Variants in CYP2F1 observed in about 807,000 individuals in gnomAD.
CYP2F1 encodes the protein cytochrome P450 family 2 subfamily F member 1.
A neutral mutation model predicts 40.4 loss-of-function variants in CYP2F1; 33 were observed. The observed-to-expected ratio is 0.82, with a 90% CI of 0.62 to 1.09. CYP2F1 has a LOEUF of 1.09. Ranked by LOEUF, CYP2F1 falls within the 50% of genes least tolerant of loss-of-function variation. CYP2F1 has a pLI of 0.00. For synonymous variants in CYP2F1, 235 were observed against 277.2 expected (o/e 0.85, Z 1.51); for missense variants, 566 against 655.7 (o/e 0.86, Z 1.49).
chr19:41,121,946 C>G lies in CYP2F1; in HGVS notation c.646-11C>G, dbSNP rs377128872. 1 of 1,612,526 alleles carries G rather than the reference C, an allele frequency of 6.2e-7. No homozygotes were observed. The highest frequency in any genetic ancestry group is 1.3e-5 in the African/African-American group (1 of 74,870). ...CTCCTCCAAAACCCTCCTACTCTGT[C>G]TGGTCCCCAGTTGTACGACATCTTC... On this transcript the variant is annotated splice_polypyrimidine_tract_variant and intron_variant, in intron 5 of 9. Coordinates refer to ENST00000331105, the MANE Select transcript of CYP2F1 (RefSeq NM_000774.5).
At position 41,116,143 on chromosome 19, in the gene CYP2F1, T is replaced by A. The variant is rs745403762; in HGVS notation, c.-11-35T>A. The A allele has an allele frequency of 9.1e-6, 14 of 1,531,090 alleles. No individual in the cohort carries two copies. The South Asian group carries it at 1.7e-4, about 18-fold the overall frequency. The allele number at this position is 1,531,090 out of a possible 1,614,324, so 94.8% of individuals were successfully genotyped here. Reference sequence around the variant, plus strand: ...GGAGATGGAAAGGAGGGATCAGCGATGTCCTCTCCCACTTTGCCCTCCACA... The same window carrying A: ...GGAGATGGAAAGGAGGGATCAGCGAAGTCCTCTCCCACTTTGCCCTCCACA... On this transcript the variant is annotated intron_variant, in intron 1 of 9. Coordinates refer to ENST00000331105, the MANE Select transcript of CYP2F1 (RefSeq NM_000774.5).
In CYP2F1 at chr19:41,122,420, C is replaced by T. The variant is rs185018994; in HGVS notation, c.822+287C>T. Among the ~76,000 whole-genome samples, 180 of 152,164 alleles carry T rather than the reference C, an allele frequency of 1.2e-3. 1 individual carries two copies. In the South Asian group the frequency reaches 0.015, roughly 13 times the overall value. The stretch of plus-strand genomic sequence containing the variant: ...GCCGAGGCAGGAGGATCGCTTGAGT[C>T]CAGGAGTTCGAGACCAGCCTGGACA... On this transcript the variant is annotated intron_variant, in intron 6 of 9. Transcript: ENST00000331105.
chr19:41,124,057 A>G (rs1386615928), intron 7 of CYP2F1, among the ~76,000 whole-genome samples: 2 of 150,178 alleles, frequency 1.3e-5, no homozygotes, highest in African/African-American at 4.9e-5. Flanking sequence ...CAGTCCACCC[A>G]CTCGACCTAC....
At chr19:41,119,539 G>A (rs1049882037) in intron 3 of CYP2F1, among the ~76,000 whole-genome samples, 1 of 151,686 alleles carries the variant, frequency 6.6e-6, no homozygotes, top group Non-Finnish European at 1.5e-5. Flanking sequence ...ACGAGGTCAG[G>A]AGATCGAGAC....
Position 41,116,492 on chromosome 19 carries a change from TG to T in CYP2F1, c.212del (p.Gly71AspfsTer14), listed in dbSNP as rs2031816367. 1 of 1,613,808 alleles carries T rather than the reference TG, an allele frequency of 6.2e-7. No homozygotes were observed. Among genetic ancestry groups the T allele is most frequent in the Non-Finnish European group, 8.5e-7 (1 of 1,179,936 alleles). ...TATGGCTCCATGTACACAGTGCACCTGGGACCCAGGCGGGTGGTGGTCCTCA... is the reference window on the plus strand; with the variant it reads ...TATGGCTCCATGTACACAGTGCACCTGGACCCAGGCGGGTGGTGGTCCTCA... ...KEYGSMYTVH[L>X]GPRRVVVLSG... On this transcript the variant is annotated frameshift_variant, in exon 3 of 10. Coordinates refer to ENST00000331105, the MANE Select transcript of CYP2F1 (RefSeq NM_000774.5). LOFTEE classifies it high-confidence loss of function.
intron 9 of CYP2F1, among the ~76,000 whole-genome samples, chr19:41,127,305 A>G (rs1416125852): frequency 6.6e-6 from 1 of 152,164 alleles, no homozygotes; most frequent in Non-Finnish European, 1.5e-5. Context: ...TTTACCATTC[A>G]CAGCAGCCTC....
intron 7 of CYP2F1, chr19:41,123,235 T>C (rs2032339476): frequency 1.9e-6 from 1 of 539,156 alleles, no homozygotes; most frequent in Non-Finnish European, 3.6e-6. Context: ...TCTGGCTCTG[T>C]CACCCAGGCT....
In CYP2F1 at chr19:41,116,305, C is replaced by T; in HGVS notation, c.117C>T (p.Ile39=). The change falls in exon 2 of 10, where the codon ATC becomes ATT. Residue 39 remains isoleucine (I), a synonymous_variant. Coordinates refer to ENST00000331105, the MANE Select transcript of CYP2F1 (RefSeq NM_000774.5). ...CTCCGGGACCCAGACCCCTCTCAAT[C>T]CTGGGAAACCTGCTGCTGCTTTGCT... ...KLPPGPRPLS[I]LGNLLLLCSQ... 6.2e-7 allele frequency: 1 copy of T among 1,614,128 alleles called. No homozygotes were observed. The highest frequency in any genetic ancestry group is 8.5e-7 in the Non-Finnish European group (1 of 1,180,028).
intron 3 of CYP2F1, among the ~76,000 whole-genome samples, chr19:41,119,742 TATATATACACACACAC>T (rs1470161618): frequency 3.8e-4 from 27 of 71,436 alleles, no homozygotes; most frequent in African/African-American, 1.3e-3. Context: ...TATATATATA[TATATATACACACACAC>T]ACACACACAC....
chr19:41,117,210 A>G (rs895069702), intron 3 of CYP2F1, among the ~76,000 whole-genome samples: 5 of 151,976 alleles, frequency 3.3e-5, no homozygotes, highest in Non-Finnish European at 5.9e-5. Flanking sequence ...GGCCCACTGC[A>G]ACCTCTGCCT....
intron 3 of CYP2F1, among the ~76,000 whole-genome samples, chr19:41,120,124 G>T (rs1210701426): frequency 6.6e-6 from 1 of 151,966 alleles, no homozygotes; most frequent in African/African-American, 2.4e-5. Flanking sequence ...TTCTTAATGG[G>T]GAAACAGAGG....
chr19:41,127,478 G>A (rs747864607), intron 9 of CYP2F1, among the ~76,000 whole-genome samples: 69 of 152,276 alleles, frequency 4.5e-4, no homozygotes, highest in East Asian at 7.7e-4. Context: ...TGGGACTGCA[G>A]GCATGTGCCA....
intron 3 of CYP2F1, among the ~76,000 whole-genome samples, chr19:41,120,064 G>A (rs1430937911): frequency 6.6e-6 from 1 of 151,998 alleles, no homozygotes; most frequent in Non-Finnish European, 1.5e-5. Flanking sequence ...TCACAGTTCT[G>A]TGAAGGAGAC....
intron 9 of CYP2F1, among the ~76,000 whole-genome samples, 187 bp from the exon 10 acceptor site, chr19:41,127,714 A>G (rs2032598873): frequency 6.6e-6 from 1 of 152,060 alleles, no homozygotes; most frequent in Non-Finnish European, 1.5e-5. Flanking sequence ...CAGGATTCGA[A>G]CCCAAGCAGC....
intron 4 of CYP2F1, 33 bp from the exon 5 acceptor site, chr19:41,121,425 G>T (rs188279309): frequency 2.3e-5 from 37 of 1,594,696 alleles, no homozygotes; most frequent in Non-Finnish European, 3.2e-5. Context: ...TGCACATCGC[G>T]TCTTCCTGAT....
chr19:41,123,899 C>CTGGA (rs1164902724), intron 7 of CYP2F1, among the ~76,000 whole-genome samples: 2 of 152,090 alleles, frequency 1.3e-5, no homozygotes, highest in South Asian at 2.1e-4. Context: ...GAGCCCTGCC[C>CTGGA]TGGAGCCCCA....
At chr19:41,123,352 A>C (rs1264014340) in intron 7 of CYP2F1, 1 of 361,674 alleles carries the variant, frequency 2.8e-6, no homozygotes, top group Non-Finnish European at 5.5e-6. Flanking sequence ...CAGCCTCCCA[A>C]GTAGCTGGGA....
At chr19:41,124,987 G>A in intron 8 of CYP2F1, 81 bp downstream of exon 8, 1 of 1,289,020 alleles carries the variant, frequency 7.8e-7, no homozygotes, top group Non-Finnish European at 1.1e-6. Flanking sequence ...AGTATCCCAG[G>A]CACTAGCCAT....
rs1465084010 is a variant in CYP2F1 at position 41,120,607 on chromosome 19, G to C, written c.484+111G>C. ...AACCATCCTCCCACCTCAACCTCCC[G>C]AATAGCTGGTACTTCAGGTGTGCTC... On this transcript the variant is annotated intron_variant, in intron 4 of 9. Coordinates refer to ENST00000331105, the MANE Select transcript of CYP2F1 (RefSeq NM_000774.5). 6.8e-6 allele frequency: 8 copies of C among 1,183,208 alleles called. No individual in the cohort carries two copies. The African/African-American group carries it at 9.3e-5, about 14-fold the overall frequency. The allele number at this position is 1,183,208 out of a possible 1,614,324, so 73.3% of individuals were successfully genotyped here.
Sources: gnomAD v4.1 joint callset for allele counts (sites outside exome capture counted in the v4.1 genomes callset) on GRCh38, gnomAD v4.1.1 for gene constraint, MANE v1.5 for transcripts, NCBI Gene and HGNC (gene_info 2026-07-23, HGNC 2026-07-21) for gene names.